The following NIPBL variants were observed in gnomAD, a reference collection of about 807,000 sequenced individuals.
NIPBL encodes nipped-B-like protein.
In NIPBL, 19 loss-of-function variants were observed where a neutral mutation model predicts 321.8. That is an observed-to-expected ratio of 0.06 (90% CI 0.04 to 0.09). The LOEUF (loss-of-function observed/expected upper bound fraction) is 0.09. Among genes scored for constraint, NIPBL ranks in the 10% least tolerant of loss-of-function variants. The pLI is 1.00. For synonymous variants in NIPBL, 1,106 were observed against 1,114.1 expected (o/e 0.99, Z 0.14); for missense variants, 2,210 against 3,327.0 (o/e 0.66, Z 8.26).
intron 32 of NIPBL, 108 bp downstream of exon 32, chr5:37,027,520 C>A: frequency 1.9e-6 from 1 of 537,258 alleles, no homozygotes; most frequent in Non-Finnish European, 3.1e-6. Context: ...CTTTTTAGTT[C>A]TTTTGGTAGG....
intron 21 of NIPBL, among the ~76,000 whole-genome samples, chr5:37,011,099 G>A (rs1221109417): frequency 2.0e-5 from 3 of 152,064 alleles, no homozygotes; most frequent in African/African-American, 7.2e-5. Context: ...TCATGCCGAC[G>A]ATTTGCGTTT....
At chr5:37,041,252 G>T (rs1405910803) in intron 34 of NIPBL, among the ~76,000 whole-genome samples, 39 of 63,970 alleles carry the variant, frequency 6.1e-4, no homozygotes, top group African/African-American at 1.7e-3. Context: ...TTATGTGGTG[G>T]TTTTTTTTTT....
At chr5:36,934,810 A>G (rs935138819) in intron 1 of NIPBL, among the ~76,000 whole-genome samples, 3 of 152,146 alleles carry the variant, frequency 2.0e-5, no homozygotes, top group Non-Finnish European at 4.4e-5. Context: ...AGGTAGACCT[A>G]AGTAGCTAGA....
At chr5:37,021,307 AAAAG>A (rs569565391) in intron 27 of NIPBL, among the ~76,000 whole-genome samples, 249 of 152,082 alleles carry the variant, frequency 1.6e-3, no homozygotes, top group African/African-American at 5.5e-3. Context: ...CTCAAACAAA[AAAAG>A]AAAGTCCTTG....
chr5:36,896,435 G>C (rs567896235), intron 1 of NIPBL, among the ~76,000 whole-genome samples: 5 of 152,256 alleles, frequency 3.3e-5, no homozygotes, highest in Non-Finnish European at 4.4e-5. Context: ...TGAAGTTTAG[G>C]ATGTTTGTCA....
At chr5:37,014,632 G>A (rs777417996) in intron 21 of NIPBL, 51 bp from the exon 22 acceptor site, 3 of 1,077,550 alleles carry the variant, frequency 2.8e-6, no homozygotes, top group South Asian at 2.5e-5. Flanking sequence ...TAGCAACAGG[G>A]CTAACTTATT....
At chr5:36,937,308 G>T (rs1364855930) in intron 1 of NIPBL, among the ~76,000 whole-genome samples, 2 of 152,034 alleles carry the variant, frequency 1.3e-5, no homozygotes, top group Non-Finnish European at 2.9e-5. Flanking sequence ...ATGTACTTCT[G>T]CTCTTAATGA....
intron 1 of NIPBL, among the ~76,000 whole-genome samples, chr5:36,907,624 A>G (rs1279083117): frequency 6.6e-6 from 1 of 152,158 alleles, no homozygotes; most frequent in East Asian, 1.9e-4. Context: ...CCAGAAGAAA[A>G]TGTCAGAGCA....
rs748190130 is a variant in NIPBL, at chr5:37,017,091, G to A, written c.4849G>A (p.Ala1617Thr). The change falls in exon 24 of 47, where the codon GCT becomes ACT. Residue 1617 changes from alanine to threonine, a missense_variant. Around this residue, in one of 14 missense-constraint regions of NIPBL, gnomAD observed 28 missense variants for 91.3 expected, o/e 0.31. Transcript: ENST00000282516. ...VASLDYLGTV[A>T]ARLRKDAVTS... ...ATCTCTTGATTACCTTGGAACTGTTGCTGCACGGCTAAGAAAAGATGCTGT... is the reference window on the plus strand; with the variant it reads ...ATCTCTTGATTACCTTGGAACTGTTACTGCACGGCTAAGAAAAGATGCTGT... 2 of 1,612,914 alleles carry A rather than the reference G, an allele frequency of 1.2e-6. No homozygotes were observed. Among genetic ancestry groups the A allele is most frequent in the Non-Finnish European group, 1.7e-6 (2 of 1,179,264 alleles).
At chr5:37,046,695 G>T (rs562685834) in intron 38 of NIPBL, among the ~76,000 whole-genome samples, 1 of 152,200 alleles carries the variant, frequency 6.6e-6, no homozygotes, top group East Asian at 1.9e-4. Flanking sequence ...ATATATACCT[G>T]TTTTATAATG....
chr5:36,957,001 A>G (rs1236320472), intron 3 of NIPBL, among the ~76,000 whole-genome samples: 3 of 152,112 alleles, frequency 2.0e-5, no homozygotes, highest in African/African-American at 7.2e-5. Flanking sequence ...AGGAAATAGC[A>G]CACGTAAAAT....
chr5:37,027,089 C>A (rs767724920), intron 31 of NIPBL, among the ~76,000 whole-genome samples: 1 of 152,070 alleles, frequency 6.6e-6, no homozygotes, highest in African/African-American at 2.4e-5. Context: ...AGTTATTGTG[C>A]CATTTTAAAC....
At chr5:36,944,954 TAAAC>T (rs1173535141) in intron 1 of NIPBL, among the ~76,000 whole-genome samples, 2 of 152,170 alleles carry the variant, frequency 1.3e-5, no homozygotes, top group Non-Finnish European at 2.9e-5. Context: ...CATTTGGAAA[TAAAC>T]AGTCATTGTT....
chr5:36,920,197 C>CT (rs1455742047), intron 1 of NIPBL, among the ~76,000 whole-genome samples: 9 of 152,010 alleles, frequency 5.9e-5, no homozygotes, highest in Non-Finnish European at 8.8e-5. Flanking sequence ...TTTTCAGAGA[C>CT]TAAGAAAGCA....
chr5:37,049,587 T>A (rs1753313891), intron 40 of NIPBL, among the ~76,000 whole-genome samples: 1 of 152,268 alleles, frequency 6.6e-6, no homozygotes, highest in Admixed American at 6.5e-5. Flanking sequence ...AATTCATATT[T>A]ACTTTTGTCC....
At chr5:37,044,178 T>C (rs1752740618) in intron 34 of NIPBL, among the ~76,000 whole-genome samples, 169 bp from the exon 35 acceptor site, 2 of 152,156 alleles carry the variant, frequency 1.3e-5, no homozygotes, top group African/African-American at 2.4e-5. Flanking sequence ...ATTCCTGACA[T>C]GCTGGTGCTT....
chr5:37,002,453 T>C (rs1338315404), intron 14 of NIPBL, among the ~76,000 whole-genome samples: 2 of 152,168 alleles, frequency 1.3e-5, no homozygotes, highest in African/African-American at 2.4e-5. Context: ...AGATAAGATA[T>C]CTATCTCATC....
chr5:37,040,197 A>AT (rs1015349308), intron 34 of NIPBL, among the ~76,000 whole-genome samples: 11 of 152,096 alleles, frequency 7.2e-5, no homozygotes, highest in East Asian at 3.8e-4. Flanking sequence ...TGAACCAGTG[A>AT]TTTTTTTAAA....
intron 1 of NIPBL, among the ~76,000 whole-genome samples, chr5:36,917,055 A>G (rs1225680739): frequency 6.6e-6 from 1 of 152,194 alleles, no homozygotes; most frequent in African/African-American, 2.4e-5. Context: ...TTCTAATTCT[A>G]GATCCTTGAA....
Sources: gnomAD v4.1 joint callset for allele counts (sites outside exome capture counted in the v4.1 genomes callset) on GRCh38, gnomAD v4.1.1 for gene constraint, gnomAD v4.1.1 regional missense constraint, MANE v1.5 for transcripts, NCBI Gene and HGNC (gene_info 2026-07-23, HGNC 2026-07-21) for gene names.